The following ASAP1 variants were observed in gnomAD, a reference collection of about 807,000 sequenced individuals.
The protein encoded by ASAP1 is arf-GAP with SH3 domain, ANK repeat and PH domain-containing protein 1.
ASAP1 carries 43 observed loss-of-function variants against 145.2 expected under a neutral mutation model. The observed-to-expected ratio is 0.30, with a 90% CI of 0.23 to 0.38. The LOEUF is 0.38. Ranked by LOEUF, ASAP1 falls within the 10% of genes least tolerant of loss-of-function variation. ASAP1 has a pLI of 1.00. For missense variants in ASAP1, 1,018 were observed against 1,355.3 expected (o/e 0.75, Z 3.91); for synonymous variants, 546 against 515.5 (o/e 1.06, Z -0.80).
At chr8:130,191,950 C>G (rs555870816) in intron 5 of ASAP1, among the ~76,000 whole-genome samples, 37 of 152,200 alleles carry the variant, frequency 2.4e-4, no homozygotes, top group African/African-American at 8.7e-4. Flanking sequence ...GTCATTCTAC[C>G]TCTTTACTCT....
At chr8:130,263,506 T>C (rs944932519) in intron 3 of ASAP1, among the ~76,000 whole-genome samples, 3 of 152,062 alleles carry the variant, frequency 2.0e-5, no homozygotes, top group Non-Finnish European at 4.4e-5. Context: ...AAAGAAGACA[T>C]CCTTGAGAGA....
intron 27 of ASAP1, among the ~76,000 whole-genome samples, chr8:130,074,115 TA>T (rs398068270): frequency 3.5e-3 from 515 of 146,066 alleles, no homozygotes; most frequent in Middle Eastern, 6.9e-3. Flanking sequence ...AACAAGTTCT[TA>T]AAAAAAAAAA....
chr8:130,107,188 T>TTTTC (rs1202510838), intron 24 of ASAP1, among the ~76,000 whole-genome samples: 8 of 145,848 alleles, frequency 5.5e-5, no homozygotes, highest in African/African-American at 2.0e-4. Context: ...TTCTTCTTTT[T>TTTTC]TTTTTTTTTT....
chr8:130,170,743 C>T (rs1363408159), intron 9 of ASAP1, among the ~76,000 whole-genome samples: 2 of 152,124 alleles, frequency 1.3e-5, no homozygotes, highest in African/African-American at 4.8e-5. Context: ...CTCTCTCTCT[C>T]TCTCTCGGCA....
At chr8:130,273,280 T>C (rs1820689110) in intron 3 of ASAP1, among the ~76,000 whole-genome samples, 1 of 152,162 alleles carries the variant, frequency 6.6e-6, no homozygotes. Flanking sequence ...AGAAAGCCCA[T>C]ATGCTAAATC....
intron 3 of ASAP1, among the ~76,000 whole-genome samples, chr8:130,240,014 G>A (rs974183347): frequency 3.9e-5 from 6 of 152,060 alleles, no homozygotes; most frequent in Non-Finnish European, 7.4e-5. Context: ...ATCTTTGGGG[G>A]AATAATGACT....
At chr8:130,424,931 T>G (rs1285954574) in intron 1 of ASAP1, among the ~76,000 whole-genome samples, 1 of 146,380 alleles carries the variant, frequency 6.8e-6, no homozygotes, top group East Asian at 2.0e-4. Context: ...AGGCAGAGGT[T>G]GCAGTGAGCC....
chr8:130,276,720 A>ACTCTCTCTCTCT (rs1263231372), intron 3 of ASAP1, among the ~76,000 whole-genome samples: 41 of 117,562 alleles, frequency 3.5e-4, no homozygotes, highest in Middle Eastern at 5.1e-3. Flanking sequence ...ACACACACAC[A>ACTCTCTCTCTCT]CACACACACT....
chr8:130,188,019 T>C lies in ASAP1; in HGVS notation c.480+90A>G, dbSNP rs1311235139. On this transcript the variant is annotated intron_variant, in intron 6 of 29. Transcript: ENST00000518721. ...ACGCTGAAAATGTTCAAAGAGTCTT[T>C]CAAATACAAGTACTACTATGATCTT... The C allele has an allele frequency of 8.6e-6, 8 of 933,274 alleles. No homozygotes were observed. In the Admixed American group the frequency reaches 8.8e-5, roughly 10 times the overall value. 57.8% of individuals were successfully genotyped at this position (933,274 alleles called of 1,614,324 possible). A position where few individuals can be genotyped will look rare whatever the true frequency, so the allele number is the denominator to read the frequency against.
At chr8:130,351,576 G>A (rs115583146) in intron 3 of ASAP1, among the ~76,000 whole-genome samples, 130 of 152,240 alleles carry the variant, frequency 8.5e-4, no homozygotes, top group African/African-American at 3.0e-3. Context: ...GGATGCCTCA[G>A]GGAGTGTTTA....
chr8:130,177,526 T>C (rs1044097666), intron 9 of ASAP1, among the ~76,000 whole-genome samples: 11 of 152,136 alleles, frequency 7.2e-5, no homozygotes, highest in Admixed American at 7.2e-4. Context: ...CAGGGACCAT[T>C]AGAACACAGG....
Position 130,426,849 on chromosome 8 carries a change from T to C in ASAP1, c.-28+16611A>G, listed in dbSNP as rs144018166. Among the ~76,000 whole-genome samples the C allele has an allele frequency of 2.8e-3, 419 of 152,328 alleles. 1 individual carries two copies. The highest frequency in any genetic ancestry group is 9.6e-3 in the African/African-American group (397 of 41,570). ...ATTTTTCTTCCATAAGGACTATTTGTCGTCTCACACACCATCCGTTTCATG... is the reference window on the plus strand; with the variant it reads ...ATTTTTCTTCCATAAGGACTATTTGCCGTCTCACACACCATCCGTTTCATG... On this transcript the variant is annotated intron_variant, in intron 1 of 29. Coordinates refer to ENST00000518721, the MANE Select transcript of ASAP1 (RefSeq NM_018482.4).
At chr8:130,263,179 G>A (rs1288836818) in intron 3 of ASAP1, among the ~76,000 whole-genome samples, 15 of 152,140 alleles carry the variant, frequency 9.9e-5, no homozygotes, top group African/African-American at 2.4e-5. Flanking sequence ...AGATCAGGTG[G>A]CCAGGTTCTG....
intron 5 of ASAP1, chr8:130,208,582 AG>A (rs1816378144): frequency 6.6e-6 from 1 of 152,118 alleles, no homozygotes; most frequent in Non-Finnish European, 1.5e-5. Context: ...AAAAGCTTAC[AG>A]GGGTATAAAG....
chr8:130,088,759 C>A (rs1473227501), intron 25 of ASAP1, among the ~76,000 whole-genome samples: 2 of 152,306 alleles, frequency 1.3e-5, no homozygotes, highest in East Asian at 3.9e-4. Flanking sequence ...AAATGCTAGG[C>A]TGAGAATAAT....
intron 4 of ASAP1, among the ~76,000 whole-genome samples, chr8:130,231,184 A>C (rs1326493175): frequency 6.6e-6 from 1 of 152,194 alleles, no homozygotes; most frequent in African/African-American, 2.4e-5. Flanking sequence ...TTTTGCCTTA[A>C]AAAACACAAA....
intron 1 of ASAP1, among the ~76,000 whole-genome samples, chr8:130,405,046 C>G (rs1299045087): frequency 6.6e-6 from 1 of 151,950 alleles, no homozygotes; most frequent in East Asian, 1.9e-4. Context: ...AGATACATAT[C>G]TGCTGTCAAA....
intron 2 of ASAP1, among the ~76,000 whole-genome samples, chr8:130,386,162 C>T (rs1828006070): frequency 6.6e-6 from 1 of 152,148 alleles, no homozygotes; most frequent in African/African-American, 2.4e-5. Context: ...GAGAATACAG[C>T]CAGTGGAGGA....
intron 2 of ASAP1, among the ~76,000 whole-genome samples, chr8:130,400,513 G>C (rs1396734568): frequency 2.0e-5 from 3 of 151,914 alleles, no homozygotes; most frequent in Non-Finnish European, 4.4e-5. Flanking sequence ...GGCCAGGTGG[G>C]CACGGTGGCT....
Sources: gnomAD v4.1 joint callset for allele counts (sites outside exome capture counted in the v4.1 genomes callset) on GRCh38, gnomAD v4.1.1 for gene constraint, MANE v1.5 for transcripts, NCBI Gene and HGNC (gene_info 2026-07-23, HGNC 2026-07-21) for gene names.